Variants in ADK observed in about 807,000 individuals in gnomAD.
The protein encoded by ADK is adenosine kinase, also known as N6,N6-dimethyladenosine kinase.
In ADK, 24 loss-of-function variants were observed where a neutral mutation model predicts 44.7. The observed-to-expected ratio is 0.54, with a 90% CI of 0.39 to 0.76. ADK has a LOEUF of 0.76. Among genes scored for constraint, ADK ranks in the 30% least tolerant of loss-of-function variants. ADK has a pLI of 0.00. For synonymous variants in ADK, 128 were observed against 142.6 expected (o/e 0.90, Z 0.73); for missense variants, 321 against 425.1 (o/e 0.76, Z 2.15).
chr10:74,168,332 G>A (rs1842082266), intron 1 of ADK, among the ~76,000 whole-genome samples: 1 of 152,084 alleles, frequency 6.6e-6, no homozygotes, highest in South Asian at 2.1e-4. Context: ...GAGGTCAGGA[G>A]ATCGAGACCA....
rs556183443 is a variant in ADK at position 74,209,621 on chromosome 10, T to G, written c.140+8783T>G. Among the ~76,000 whole-genome samples, 6 of 150,788 alleles carry G rather than the reference T, an allele frequency of 4.0e-5. No individual in the cohort carries two copies. The South Asian group carries it at 1.0e-3, about 26-fold the overall frequency. ...TAAAATATTTTTCTGATTCTGATTT[T>G]TTTTTTTTTAGAGACAAGTTTTTCT... On this transcript the variant is annotated intron_variant, in intron 2 of 10. Transcript: ENST00000539909.
At chr10:74,637,715 G>C (rs1853665430) in intron 9 of ADK, among the ~76,000 whole-genome samples, 1 of 152,190 alleles carries the variant, frequency 6.6e-6, no homozygotes, top group Admixed American at 6.5e-5. Context: ...ACTGGGTATA[G>C]GTAGTATTAC....
intron 1 of ADK, among the ~76,000 whole-genome samples, chr10:74,162,314 C>T (rs995620553): frequency 1.3e-5 from 2 of 152,222 alleles, no homozygotes; most frequent in Non-Finnish European, 2.9e-5. Flanking sequence ...CCACTGGGCT[C>T]GGCTGCTTGT....
intron 2 of ADK, among the ~76,000 whole-genome samples, chr10:74,208,680 C>CATT (rs1843691602): frequency 6.6e-6 from 1 of 151,704 alleles, no homozygotes; most frequent in African/African-American, 2.4e-5. Flanking sequence ...TTTGAGCCAC[C>CATT]ATTAGATAAG....
chr10:74,195,114 C>T (rs1843081317), intron 1 of ADK, among the ~76,000 whole-genome samples: 1 of 149,524 alleles, frequency 6.7e-6, no homozygotes, highest in Admixed American at 6.7e-5. Flanking sequence ...TGTTCAGAAT[C>T]TCTCATCCTA....
chr10:74,370,849 TAGATGTG>T (rs1413698261), intron 4 of ADK, among the ~76,000 whole-genome samples: 1 of 152,130 alleles, frequency 6.6e-6, no homozygotes, highest in Non-Finnish European at 1.5e-5. Context: ...GCTGGGATTA[TAGATGTG>T]AGCCACTGCA....
chr10:74,376,270 A>G (rs1019141188), intron 4 of ADK, among the ~76,000 whole-genome samples: 1 of 152,250 alleles, frequency 6.6e-6, no homozygotes, highest in Non-Finnish European at 1.5e-5. Flanking sequence ...AATCATATTG[A>G]TATTTTCAAA....
intron 4 of ADK, among the ~76,000 whole-genome samples, chr10:74,349,958 A>C (rs966532333): frequency 3.3e-5 from 5 of 152,166 alleles, no homozygotes; most frequent in South Asian, 4.1e-4. Flanking sequence ...CCACACAATA[A>C]TAGTGGGAGA....
chr10:74,500,334 C>A (rs1384024761), intron 6 of ADK, among the ~76,000 whole-genome samples: 2 of 152,146 alleles, frequency 1.3e-5, no homozygotes, highest in African/African-American at 4.8e-5. Flanking sequence ...TTTTTGCCAT[C>A]TTCGTGAAGA....
At chr10:74,412,228 G>C (rs1232584887) in intron 6 of ADK, among the ~76,000 whole-genome samples, 1 of 151,930 alleles carries the variant, frequency 6.6e-6, no homozygotes, top group Non-Finnish European at 1.5e-5. Flanking sequence ...TGTCACTCAG[G>C]CAGGGAAGTG....
At chr10:74,352,023 A>G (rs1271029681) in intron 4 of ADK, among the ~76,000 whole-genome samples, 1 of 152,116 alleles carries the variant, frequency 6.6e-6, no homozygotes, top group Non-Finnish European at 1.5e-5. Context: ...TGCTATTCCC[A>G]TCAAGCTTCC....
chr10:74,548,977 G>A (rs573297144), intron 7 of ADK, among the ~76,000 whole-genome samples: 45 of 152,314 alleles, frequency 3.0e-4, no homozygotes, highest in African/African-American at 1.1e-3. Context: ...TTAAGTGACT[G>A]TTATGTGCCA....
chr10:74,233,213 A>C (rs1193542755), intron 3 of ADK, among the ~76,000 whole-genome samples: 1 of 152,196 alleles, frequency 6.6e-6, no homozygotes, highest in African/African-American at 2.4e-5. Flanking sequence ...ATCATGAGAA[A>C]AACTGGGGAT....
rs149032707 is a variant in ADK, at chr10:74,327,278, T to A, written c.273+12533T>A. Reference sequence around the variant, plus strand: ...TCTTTAATTTTTTCATTGACCATGTTGTTTAATTTCCATGTATTTGTAGAG... The same window carrying A: ...TCTTTAATTTTTTCATTGACCATGTAGTTTAATTTCCATGTATTTGTAGAG... On this transcript the variant is annotated intron_variant, in intron 4 of 10. Coordinates refer to ENST00000539909, the MANE Select transcript of ADK (RefSeq NM_006721.4). 5.1e-3 allele frequency among the ~76,000 whole-genome samples: 778 copies of A among 152,358 alleles called. 6 individuals are homozygous for A. The highest frequency in any genetic ancestry group is 0.027 in the Middle Eastern group (8 of 294).
intron 7 of ADK, among the ~76,000 whole-genome samples, chr10:74,557,838 A>G (rs1461653184): frequency 1.3e-5 from 2 of 152,220 alleles, no homozygotes. Flanking sequence ...GTGGGGGCTT[A>G]CAGGTCATCA....
intron 3 of ADK, among the ~76,000 whole-genome samples, chr10:74,300,047 GTCT>G (rs889973679): frequency 2.0e-5 from 3 of 149,490 alleles, no homozygotes; most frequent in Admixed American, 1.3e-4. Flanking sequence ...CTTCTTCTTC[GTCT>G]TCTTTTTTTT....
rs564872359 is a variant in ADK at position 74,534,304 on chromosome 10, C to T, written c.726+8878C>T. On this transcript the variant is annotated intron_variant, in intron 7 of 10. Transcript: ENST00000539909. ...GTAAAGCTATTAAAATGAATATATA[C>T]TTTGATTCCATTTATATGTTTAAAA... Among the ~76,000 whole-genome samples, 439 of 152,300 alleles carry T rather than the reference C, an allele frequency of 2.9e-3. 2 individuals carry two copies. The highest frequency in any genetic ancestry group is 5.2e-3 in the Non-Finnish European group (356 of 68,022).
At chr10:74,526,283 T>G (rs964993464) in intron 7 of ADK, among the ~76,000 whole-genome samples, 2 of 152,196 alleles carry the variant, frequency 1.3e-5, no homozygotes, top group African/African-American at 4.8e-5. Context: ...CTACCAAGAA[T>G]GTATTTTCTT....
intron 9 of ADK, among the ~76,000 whole-genome samples, chr10:74,604,408 C>T (rs960436283): frequency 6.6e-6 from 1 of 152,020 alleles, no homozygotes; most frequent in Non-Finnish European, 1.5e-5. Context: ...GTCTTTAATC[C>T]ATCTTGAGTT....
Sources: allele counts gnomAD v4.1 joint callset (sites outside exome capture counted in the v4.1 genomes callset), GRCh38; gene constraint gnomAD v4.1.1; transcripts MANE v1.5; gene names NCBI Gene and HGNC (gene_info 2026-07-23, HGNC 2026-07-21).